Variants in CRIM1 observed in about 807,000 individuals in gnomAD.
CRIM1 encodes the protein cysteine-rich motor neuron 1 protein.
CRIM1 carries 32 observed loss-of-function variants against 116.4 expected under a neutral mutation model. The ratio of observed to expected loss-of-function variants is 0.27; its 90% CI spans 0.21 to 0.37. The LOEUF (loss-of-function observed/expected upper bound fraction) is 0.37. Ranked by LOEUF, CRIM1 falls within the 10% of genes least tolerant of loss-of-function variation. The probability of loss-of-function intolerance (pLI) is 1.00; values close to 1 mark genes in which losing one functional copy is unlikely to be tolerated. For missense variants in CRIM1, 1,331 were observed against 1,354.8 expected (o/e 0.98, Z 0.28); for synonymous variants, 590 against 509.2 (o/e 1.16, Z -2.13).
intron 1 of CRIM1, among the ~76,000 whole-genome samples, chr2:36,382,208 G>C (rs201720410): frequency 6.6e-6 from 1 of 152,194 alleles, no homozygotes; most frequent in Non-Finnish European, 1.5e-5. Flanking sequence ...AGATCATGCT[G>C]TTTCCAAACT....
chr2:36,423,308 A>T (rs1674209470), intron 2 of CRIM1, among the ~76,000 whole-genome samples: 1 of 152,214 alleles, frequency 6.6e-6, no homozygotes, highest in Non-Finnish European at 1.5e-5. Context: ...CCTATAGAGC[A>T]CGTTTTTAGC....
chr2:36,425,148 G>A (rs769299354), intron 2 of CRIM1, among the ~76,000 whole-genome samples: 2 of 152,188 alleles, frequency 1.3e-5, no homozygotes, highest in South Asian at 2.1e-4. Context: ...GTGGAGGTGA[G>A]GGACTGGGTA....
In CRIM1 at chr2:36,550,598, T is replaced by A. The variant is rs535176925; in HGVS notation, c.*1897T>A. The A allele has an allele frequency of 1.2e-4, 18 of 152,596 alleles. No individual in the cohort carries two copies. The highest frequency in any genetic ancestry group is 2.4e-4 in the Non-Finnish European group (16 of 67,986). 9.5% of individuals were successfully genotyped at this position (152,596 alleles called of 1,614,324 possible). On this transcript the variant is annotated 3_prime_UTR_variant, in exon 17 of 17. Transcript: ENST00000280527. ...ATTTATTAATCTGAAGATTAACCAT[T>A]TTTTTGTCTTAGAATATCAAAAAGA...
At chr2:36,524,692 T>C (rs888963346) in intron 13 of CRIM1, among the ~76,000 whole-genome samples, 1 of 152,252 alleles carries the variant, frequency 6.6e-6, no homozygotes, top group Admixed American at 6.5e-5. Context: ...TAGTAAATTA[T>C]TCGACTAGTA....
chr2:36,378,353 C>G (rs570287781), intron 1 of CRIM1: 12 of 471,196 alleles, frequency 2.5e-5, no homozygotes, highest in South Asian at 1.9e-4. Context: ...ATGTTTCTCT[C>G]TAGCTGCGGG....
At chr2:36,413,381 A>G (rs964669743) in intron 2 of CRIM1, among the ~76,000 whole-genome samples, 31 of 152,174 alleles carry the variant, frequency 2.0e-4, no homozygotes, top group Admixed American at 1.3e-4. Context: ...TTGTTTCTTT[A>G]TACTTTTTTG....
chr2:36,441,570 C>A (rs1675828857), intron 3 of CRIM1, 70 bp downstream of exon 3: 3 of 1,558,818 alleles, frequency 1.9e-6, no homozygotes, highest in Non-Finnish European at 2.6e-6. Context: ...TCCTCAGCCA[C>A]CCCTGGCCTC....
At chr2:36,419,126 G>T (rs2124848513) in intron 2 of CRIM1, among the ~76,000 whole-genome samples, 2 of 152,328 alleles carry the variant, frequency 1.3e-5, no homozygotes, top group Middle Eastern at 6.8e-3. Flanking sequence ...TGGTAGAGTA[G>T]CTGAGTGGTT....
chr2:36,550,943 A>G lies in CRIM1; in HGVS notation c.*2242A>G, dbSNP rs1221885379. 2 of 152,610 alleles carry G rather than the reference A, an allele frequency of 1.3e-5. No individual in the cohort carries two copies. The highest frequency in any genetic ancestry group is 4.8e-5 in the African/African-American group (2 of 41,436). 9.5% of individuals were successfully genotyped at this position (152,610 alleles called of 1,614,324 possible). On this transcript the variant is annotated 3_prime_UTR_variant, in exon 17 of 17. Transcript: ENST00000280527. The stretch of plus-strand genomic sequence containing the variant: ...ATGATTTATCCTGAGTGCTGTATCT[A>G]TTACTCTTTTACTTTGGTTCCTGTT...
intron 5 of CRIM1, among the ~76,000 whole-genome samples, chr2:36,468,205 C>G (rs551494608): frequency 6.6e-6 from 1 of 152,182 alleles, no homozygotes; most frequent in African/African-American, 2.4e-5. Context: ...CACTCACTTC[C>G]TATGCTGCCA....
intron 13 of CRIM1, among the ~76,000 whole-genome samples, chr2:36,535,111 A>AGGAGGGAG (rs141920970): frequency 2.8e-5 from 3 of 108,612 alleles, no homozygotes; most frequent in Non-Finnish European, 5.3e-5. Context: ...GAGAGAGGGA[A>AGGAGGGAG]GGAGGGAGGG....
chr2:36,437,621 CA>C (rs1558583107), intron 2 of CRIM1, among the ~76,000 whole-genome samples: 5 of 152,092 alleles, frequency 3.3e-5, no homozygotes, highest in Non-Finnish European at 7.4e-5. Flanking sequence ...AGTTGAAAAG[CA>C]TTTAATAAGA....
At chr2:36,533,530 A>G (rs1357280986) in intron 13 of CRIM1, among the ~76,000 whole-genome samples, 1 of 152,146 alleles carries the variant, frequency 6.6e-6, no homozygotes, top group African/African-American at 2.4e-5. Flanking sequence ...TGAGCCCAGA[A>G]GTTCAAAGAG....
chr2:36,471,081 G>A (rs539205534), intron 5 of CRIM1, among the ~76,000 whole-genome samples: 166 of 152,290 alleles, frequency 1.1e-3, no homozygotes, highest in Non-Finnish European at 1.9e-3. Flanking sequence ...GAATGTGACT[G>A]AATTGCTGCA....
intron 1 of CRIM1, among the ~76,000 whole-genome samples, chr2:36,372,085 C>T (rs193007254): frequency 6.6e-6 from 1 of 152,292 alleles, no homozygotes; most frequent in East Asian, 1.9e-4. Context: ...AACCTGTTTA[C>T]TGCTTCAGGT....
chr2:36,446,918 G>A (rs886829340), intron 4 of CRIM1, among the ~76,000 whole-genome samples: 4 of 152,220 alleles, frequency 2.6e-5, no homozygotes, highest in Admixed American at 1.3e-4. Flanking sequence ...ATGTACAGAT[G>A]CTGCTGTGCA....
At chr2:36,410,691 G>A (rs1034262727) in intron 2 of CRIM1, among the ~76,000 whole-genome samples, 2 of 151,668 alleles carry the variant, frequency 1.3e-5, no homozygotes, top group African/African-American at 4.8e-5. Context: ...TCTTGTTTAT[G>A]TATCTATATT....
chr2:36,356,319 G>A lies in CRIM1; in HGVS notation c.27G>A (p.Gly9=), dbSNP rs769253180. Residue 9 remains glycine, a synonymous_variant, in exon 1 of 17, where the codon GGG becomes GGA. Coordinates refer to ENST00000280527, the MANE Select transcript of CRIM1 (RefSeq NM_016441.3). The surrounding 1 kb of genome is among the most constrained non-coding windows in gnomAD (Gnocchi z 4.3). MYLVAGDR[G]LAGCGHLLVS... ...TGTACTTGGTGGCGGGGGACAGGGG[G>A]TTGGCCGGCTGCGGGCACCTCCTGG... is the stretch of plus-strand genomic sequence containing the variant. The A allele has an allele frequency of 6.4e-7, 1 of 1,572,630 alleles. No homozygotes were observed. The highest frequency in any genetic ancestry group is 8.6e-7 in the Non-Finnish European group (1 of 1,162,218).
chr2:36,485,803 G>A (rs973843534), intron 7 of CRIM1, among the ~76,000 whole-genome samples: 2 of 152,236 alleles, frequency 1.3e-5, no homozygotes, highest in East Asian at 1.9e-4. Context: ...TGCCATATAC[G>A]ATGCTATTAT....
Sources: gnomAD v4.1 joint callset for allele counts (sites outside exome capture counted in the v4.1 genomes callset) on GRCh38, gnomAD v4.1.1 for gene constraint, Gnocchi (gnomAD v3.1) non-coding constraint, MANE v1.5 for transcripts, NCBI Gene and HGNC (gene_info 2026-07-23, HGNC 2026-07-21) for gene names.